Variants in TRPC4 observed in about 807,000 individuals in gnomAD.
The protein encoded by TRPC4 is transient receptor potential cation channel subfamily C member 4.
Under a neutral mutation model 99.4 loss-of-function variants are expected in TRPC4, and 49 were observed. The observed-to-expected ratio is 0.49, with a 90% CI of 0.39 to 0.63. The LOEUF is 0.63. TRPC4 is among the 20% of genes least tolerant of loss of function. The pLI is 0.00. For synonymous variants in TRPC4, 454 were observed against 425.9 expected (o/e 1.07, Z -0.81); for missense variants, 898 against 1,152.9 (o/e 0.78, Z 3.20).
At chr13:37,812,562 A>G (rs1195388208) in intron 1 of TRPC4, among the ~76,000 whole-genome samples, 2 of 152,108 alleles carry the variant, frequency 1.3e-5, no homozygotes, top group African/African-American at 4.8e-5. Flanking sequence ...GCCTAAAGAC[A>G]TAGCAATAGA....
intron 3 of TRPC4, among the ~76,000 whole-genome samples, chr13:37,741,056 A>G (rs1955575201): frequency 6.6e-6 from 1 of 152,192 alleles, no homozygotes; most frequent in East Asian, 1.9e-4. Flanking sequence ...TATATTGAAA[A>G]GCTATAGAGA....
At chr13:37,745,811 A>T (rs1955757598) in intron 3 of TRPC4, 126 bp downstream of exon 3, 1 of 1,010,994 alleles carries the variant, frequency 9.9e-7, no homozygotes, top group African/African-American at 1.6e-5. Flanking sequence ...GTAGACAATA[A>T]ATGTCATCCA....
chr13:37,809,940 T>A lies in TRPC4; in HGVS notation c.-27-26580A>T, dbSNP rs139885251. Among the ~76,000 whole-genome samples, 152 of 152,180 alleles carry A rather than the reference T, an allele frequency of 1.0e-3. 4 individuals are homozygous for A. The East Asian group carries it at 0.026, about 26-fold the overall frequency. On this transcript the variant is annotated intron_variant, in intron 1 of 10. Transcript: ENST00000379705. ...CAATTTCTGAGCAAGGGCTTCTAGA[T>A]TTACAACTAAAAAATGACTATGATT...
At chr13:37,810,552 C>T (rs1434516979) in intron 1 of TRPC4, among the ~76,000 whole-genome samples, 1 of 152,052 alleles carries the variant, frequency 6.6e-6, no homozygotes, top group Non-Finnish European at 1.5e-5. Context: ...TGGAAGAGTT[C>T]ACTCTTGTTA....
intron 1 of TRPC4, among the ~76,000 whole-genome samples, chr13:37,826,695 CT>C (rs1195538468): frequency 2.0e-5 from 3 of 152,128 alleles, no homozygotes; most frequent in African/African-American, 7.2e-5. Context: ...TTCTCTCTGG[CT>C]GCCCTTAACA....
intron 3 of TRPC4, among the ~76,000 whole-genome samples, chr13:37,742,812 C>T (rs1053989664): frequency 1.3e-5 from 2 of 152,054 alleles, no homozygotes; most frequent in African/African-American, 4.8e-5. Flanking sequence ...ACTAGAAAAC[C>T]TTTAATATTT....
chr13:37,707,019 A>G (rs1478860972), intron 3 of TRPC4, among the ~76,000 whole-genome samples: 2 of 152,144 alleles, frequency 1.3e-5, no homozygotes, highest in Admixed American at 1.3e-4. Context: ...CTAATGAAAA[A>G]ATGAAGTTTC....
chr13:37,785,351 C>T (rs1956942124), intron 1 of TRPC4, among the ~76,000 whole-genome samples: 1 of 152,038 alleles, frequency 6.6e-6, no homozygotes, highest in African/African-American at 2.4e-5. Flanking sequence ...CCATGACCTT[C>T]ACAGTGTAAT....
chr13:37,762,015 G>A (rs541143511), intron 2 of TRPC4, among the ~76,000 whole-genome samples: 3 of 151,834 alleles, frequency 2.0e-5, no homozygotes, highest in Non-Finnish European at 4.4e-5. Context: ...AAATACTGGA[G>A]AAATATATTA....
chr13:37,720,366 T>C (rs1954827989), intron 3 of TRPC4, among the ~76,000 whole-genome samples: 1 of 152,150 alleles, frequency 6.6e-6, no homozygotes, highest in South Asian at 2.1e-4. Context: ...CGAAAGAGAA[T>C]GCCAGATACT....
chr13:37,821,422 C>G (rs774307517), intron 1 of TRPC4, among the ~76,000 whole-genome samples: 10 of 152,088 alleles, frequency 6.6e-5, no homozygotes, highest in Non-Finnish European at 1.5e-4. Flanking sequence ...CTATTCCTAT[C>G]AAATTACCAA....
chr13:37,643,350 T>G (rs1035224008), intron 8 of TRPC4, among the ~76,000 whole-genome samples: 3 of 152,198 alleles, frequency 2.0e-5, no homozygotes, highest in Non-Finnish European at 4.4e-5. Flanking sequence ...AAAGGTGGAT[T>G]GCCAAGATCA....
chr13:37,757,863 G>T (rs921926178), intron 2 of TRPC4, among the ~76,000 whole-genome samples: 1 of 151,970 alleles, frequency 6.6e-6, no homozygotes, highest in Non-Finnish European at 1.5e-5. Flanking sequence ...TTAAAGTAAT[G>T]AAAACAATTA....
At chr13:37,691,875 G>T in intron 4 of TRPC4, 124 bp downstream of exon 4, 1 of 937,078 alleles carries the variant, frequency 1.1e-6, no homozygotes, top group Non-Finnish European at 1.5e-6. Context: ...GGTTCTTGGA[G>T]CTACAATAGT....
chr13:37,745,462 ATATATATATATACACAC>A (rs1955728286), intron 3 of TRPC4, among the ~76,000 whole-genome samples: 1 of 4,332 alleles, frequency 2.3e-4, no homozygotes, highest in African/African-American at 4.8e-4. Context: ...ATATATATAT[ATATATATATATACACAC>A]ACACACACAC....
chr13:37,773,559 A>G (rs1956615763), intron 2 of TRPC4, among the ~76,000 whole-genome samples: 1 of 151,846 alleles, frequency 6.6e-6, no homozygotes, highest in Non-Finnish European at 1.5e-5. Context: ...ACTCCTTAGC[A>G]GTACCCACAT....
Position 37,692,337 on chromosome 13 carries a change from T to C in TRPC4, c.898-2A>G, listed in dbSNP as rs774919579. ...TTGACAATTGGGCTGGGCAACAAAC[T>C]AAACAGAAGGGAAAGGAAAAGGAAA... On this transcript the variant is annotated splice_acceptor_variant, in intron 3 of 10. Coordinates refer to ENST00000379705, the MANE Select transcript of TRPC4 (RefSeq NM_016179.4). LOFTEE classifies it high-confidence loss of function. 6.2e-7 allele frequency: 1 copy of C among 1,607,940 alleles called. No homozygotes were observed. Among genetic ancestry groups the C allele is most frequent in the Non-Finnish European group, 8.5e-7 (1 of 1,176,192 alleles).
intron 7 of TRPC4, among the ~76,000 whole-genome samples, chr13:37,654,490 G>T: frequency 6.6e-6 from 1 of 152,116 alleles, no homozygotes; most frequent in East Asian, 1.9e-4. Context: ...AACACAGTAT[G>T]TACCCAGTAA....
intron 1 of TRPC4, among the ~76,000 whole-genome samples, chr13:37,796,051 AT>A (rs1957235456): frequency 6.6e-6 from 1 of 152,110 alleles, no homozygotes; most frequent in South Asian, 2.1e-4. Flanking sequence ...TCGACCCCAC[AT>A]TTCCTGACGA....
Sources: allele counts gnomAD v4.1 joint callset (sites outside exome capture counted in the v4.1 genomes callset), GRCh38; gene constraint gnomAD v4.1.1; transcripts MANE v1.5; gene names NCBI Gene and HGNC (gene_info 2026-07-23, HGNC 2026-07-21).